Variants in IPO5 observed in about 807,000 individuals in gnomAD.
IPO5 encodes the protein importin-5.
Under a neutral mutation model 143.3 loss-of-function variants are expected in IPO5, and 18 were observed. That is an observed-to-expected ratio of 0.13 (90% CI 0.09 to 0.19). The LOEUF is 0.19. IPO5 is among the 10% of genes least tolerant of loss of function. The pLI, the probability that IPO5 is intolerant of heterozygous loss-of-function variation, is 1.00. For missense variants in IPO5, 1,013 were observed against 1,336.9 expected, an observed-to-expected ratio of 0.76 and a Z score of 3.78; for synonymous variants, 477 against 465.7, an observed-to-expected ratio of 1.02 and a Z score of -0.31.
intron 3 of IPO5, 119 bp downstream of exon 3, chr13:97,969,949 T>G: frequency 1.4e-6 from 1 of 717,124 alleles, no homozygotes; most frequent in Admixed American, 2.5e-5. Flanking sequence ...TCCTCCCACC[T>G]CAGCCTCCCA....
rs1281466925 is a variant in IPO5, at chr13:97,995,124, C to CAA, written c.913+1915_913+1916dup. Among the ~76,000 whole-genome samples the CAA allele has an allele frequency of 3.6e-3, 275 of 76,414 alleles. 1 individual carries two copies. Among genetic ancestry groups the CAA allele is most frequent in the African/African-American group, 0.012 (244 of 20,662 alleles). 50.1% of individuals were successfully genotyped at this position (76,414 alleles called of 152,430 possible). A position where few individuals can be genotyped will look rare whatever the true frequency, so the allele number is the denominator to read the frequency against. Reference sequence around the variant, plus strand: ...TGGGTGACGGAGTGAGACCCTGTCTCAAAAAAAAAAAAAAAAAGTTTCTGG... The same window carrying CAA: ...TGGGTGACGGAGTGAGACCCTGTCTCAAAAAAAAAAAAAAAAAAAGTTTCTGG... On this transcript the variant is annotated intron_variant, in intron 11 of 28. Coordinates refer to ENST00000651721, the MANE Select transcript of IPO5 (RefSeq NM_002271.6).
In IPO5 at chr13:98,009,912, T is replaced by G; in HGVS notation, c.1832T>G (p.Met611Arg). The change falls in exon 19 of 29, where the codon ATG becomes AGG. Residue 611 changes from methionine (M) to arginine (R), a missense_variant. Met to Arg is a moderately conservative substitution (Grantham distance 91). Transcript: ENST00000651721. ...TACATGATCTCAGCATGGGCCAGAA[T>G]GTGCAAAATCCTTGGAAAAGAATTT... ...ISYMISAWAR[M>R]CKILGKEFQQ... The G allele has an allele frequency of 6.2e-7, 1 of 1,613,096 alleles. No individual in the cohort carries two copies. The highest frequency in any genetic ancestry group is 8.5e-7 in the Non-Finnish European group (1 of 1,179,404).
At chr13:98,021,273 A>C (rs1890468628) in intron 28 of IPO5, 140 bp downstream of exon 28, 1 of 671,408 alleles carries the variant, frequency 1.5e-6, no homozygotes, top group African/African-American at 1.9e-5. Flanking sequence ...CCAAGCCTCA[A>C]ATGGATTATA....
At chr13:97,976,081 T>A (rs1886267704) in intron 3 of IPO5, 1 of 465,674 alleles carries the variant, frequency 2.1e-6, no homozygotes, top group Non-Finnish European at 2.8e-6. Flanking sequence ...ACCAAAGGGG[T>A]GGGGCCTGCT....
At position 98,019,629 on chromosome 13, in the gene IPO5, C is replaced by T. The variant is rs145372207; in HGVS notation, c.2885C>T (p.Thr962Ile). The T allele has an allele frequency of 3.8e-3, 6,078 of 1,614,058 alleles. 27 individuals carry two copies. Among genetic ancestry groups the T allele is most frequent in the Admixed American group, 5.3e-3 (316 of 60,028 alleles). Residue 962 changes from threonine (T) to isoleucine (I), a missense_variant, in exon 27 of 29, where the codon ACC (threonine) becomes ATC (isoleucine). Around this residue, in one of 2 missense-constraint regions of IPO5, gnomAD observed 685 missense variants for 994.9 expected, o/e 0.69. Coordinates refer to ENST00000651721, the MANE Select transcript of IPO5 (RefSeq NM_002271.6). Reference protein sequence around the residue: ...VRVIQSADSKTKENVNATENC... With the variant: ...VRVIQSADSKIKENVNATENC... Reference sequence around the variant, plus strand: ...GTTATTCAGTCTGCGGATTCTAAGACCAAAGAAAATGTCAATGCTACAGAG... The same window carrying T: ...GTTATTCAGTCTGCGGATTCTAAGATCAAAGAAAATGTCAATGCTACAGAG...
chr13:98,003,166 G>C (rs537293604), intron 16 of IPO5, 129 bp downstream of exon 16: 38 of 732,632 alleles, frequency 5.2e-5, no homozygotes, highest in Non-Finnish European at 7.5e-5. Flanking sequence ...AACTGAGGAG[G>C]CTATTCGGAG....
chr13:97,974,809 CAACAAAGATAGG>C (rs1203286636), intron 3 of IPO5, among the ~76,000 whole-genome samples: 2 of 152,044 alleles, frequency 1.3e-5, no homozygotes, highest in Non-Finnish European at 2.9e-5. Flanking sequence ...AATATAAATT[CAACAAAGATAGG>C]TCTGCAGACC....
At chr13:98,012,988 C>G (rs955354055) in intron 21 of IPO5, among the ~76,000 whole-genome samples, 1 of 152,024 alleles carries the variant, frequency 6.6e-6, no homozygotes, top group African/African-American at 2.4e-5. Flanking sequence ...AGATGGTCAG[C>G]TTTCTGTAGC....
chr13:98,016,870 A>G lies in IPO5; in HGVS notation c.2616+19A>G, dbSNP rs887560347. On this transcript the variant is annotated intron_variant, in intron 25 of 28. Coordinates refer to ENST00000651721, the MANE Select transcript of IPO5 (RefSeq NM_002271.6). ...CCTCATTGTAAGTGTTACCTCTCTT[A>G]ATAGTTGTTTTGCGTAGTTTACCTG... The G allele has an allele frequency of 1.3e-6, 2 of 1,502,210 alleles. No individual in the cohort carries two copies. Among genetic ancestry groups the G allele is most frequent in the Non-Finnish European group, 1.8e-6 (2 of 1,129,958 alleles). The allele number at this position is 1,502,210 out of a possible 1,614,324, so 93.1% of individuals were successfully genotyped here.
chr13:97,983,756 A>C (rs563018854), intron 5 of IPO5, among the ~76,000 whole-genome samples: 4 of 151,752 alleles, frequency 2.6e-5, no homozygotes, highest in Non-Finnish European at 4.4e-5. Context: ...GTCACACTAA[A>C]CTTTTACATT....
At chr13:98,021,605 A>G (rs992754977) in intron 28 of IPO5, 131 bp from the exon 29 acceptor site, 4 of 460,420 alleles carry the variant, frequency 8.7e-6, no homozygotes, top group African/African-American at 5.8e-5. Flanking sequence ...TGCTTTTACA[A>G]TGATACTCAT....
At position 98,018,540 on chromosome 13, in the gene IPO5, T is replaced by C; in HGVS notation, c.2672T>C (p.Val891Ala). 2 of 1,614,120 alleles carry C rather than the reference T, an allele frequency of 1.2e-6. No homozygotes were observed. Among genetic ancestry groups the C allele is most frequent in the Non-Finnish European group, 1.7e-6 (2 of 1,179,982 alleles). The stretch of plus-strand genomic sequence containing the variant: ...TGGGGATTATGCATCTTTGATGATG[T>C]CATAGAACACTGTAGTCCAGCCTCA... ...RQWGLCIFDD[V>A]IEHCSPASFK... Residue 891 changes from valine (V) to alanine (A), a missense_variant, in exon 26 of 29, where the codon GTC becomes GCC. This residue lies in a region of IPO5 where 685 missense variants were observed against 994.9 expected (regional missense o/e 0.69). Transcript: ENST00000651721.
At chr13:98,004,295 A>T (rs1191080705) in intron 16 of IPO5, among the ~76,000 whole-genome samples, 1 of 152,236 alleles carries the variant, frequency 6.6e-6, no homozygotes, top group African/African-American at 2.4e-5. Flanking sequence ...TAAACAAGAA[A>T]TGCAATGTCT....
chr13:98,006,034 A>G, intron 16 of IPO5, 96 bp from the exon 17 acceptor site: 1 of 804,862 alleles, frequency 1.2e-6, no homozygotes, highest in Admixed American at 2.1e-5. Context: ...CTGCTGTTTC[A>G]GAAAAGCATT....
At chr13:97,995,944 A>G (rs1038645849) in intron 11 of IPO5, among the ~76,000 whole-genome samples, 1 of 152,214 alleles carries the variant, frequency 6.6e-6, no homozygotes, top group Admixed American at 6.5e-5. Context: ...AAATTGGCAA[A>G]TGCGAAAACA....
At chr13:97,995,124 C>CAAAA (rs1281466925) in intron 11 of IPO5, among the ~76,000 whole-genome samples, 1 of 76,434 alleles carries the variant, frequency 1.3e-5, no homozygotes, top group Admixed American at 1.5e-4. Flanking sequence ...GACCCTGTCT[C>CAAAA]AAAAAAAAAA....
chr13:97,985,368 AATACATCAATGGCAGAGTGAATCTAGTT>A (rs772006523), intron 5 of IPO5, 25 bp from the exon 6 acceptor site: 14 of 1,394,702 alleles, frequency 1.0e-5, no homozygotes, highest in Non-Finnish European at 1.3e-5. Context: ...ACAACAGTGA[AATACATCAATGGCAGAGTGAATCTAGTT>A]ATTAACAATG....
intron 2 of IPO5, 146 bp from the exon 3 acceptor site, chr13:97,969,577 G>T (rs970498533): frequency 5.1e-6 from 3 of 592,272 alleles, no homozygotes; most frequent in African/African-American, 2.0e-5. Flanking sequence ...ATCAAGAAAA[G>T]GTATTTTTAT....
Position 97,995,118 on chromosome 13 carries a change from C to T in IPO5, c.913+1893C>T, listed in dbSNP as rs374013906. On this transcript the variant is annotated intron_variant, in intron 11 of 28. Coordinates refer to ENST00000651721, the MANE Select transcript of IPO5 (RefSeq NM_002271.6). Reference sequence around the variant, plus strand: ...CCGGCCTGGGTGACGGAGTGAGACCCTGTCTCAAAAAAAAAAAAAAAAAGT... The same window carrying T: ...CCGGCCTGGGTGACGGAGTGAGACCTTGTCTCAAAAAAAAAAAAAAAAAGT... Among the ~76,000 whole-genome samples the T allele has an allele frequency of 2.8e-5, 4 of 145,316 alleles. 1 individual carries two copies. Among genetic ancestry groups the T allele is most frequent in the African/African-American group, 1.0e-4 (4 of 39,176 alleles).
Sources: allele counts gnomAD v4.1 joint callset (sites outside exome capture counted in the v4.1 genomes callset), GRCh38; gene constraint gnomAD v4.1.1; regional missense constraint gnomAD v4.1.1; transcripts MANE v1.5; gene names NCBI Gene and HGNC (gene_info 2026-07-23, HGNC 2026-07-21).